The following MS4A4A variants were observed in gnomAD, a reference collection of about 807,000 sequenced individuals.
The protein encoded by MS4A4A is membrane-spanning 4-domains subfamily A member 4A.
A neutral mutation model predicts 28.0 loss-of-function variants in MS4A4A; 26 were observed. The ratio of observed to expected loss-of-function variants is 0.93; its 90% CI spans 0.68 to 1.29. The LOEUF is 1.29. MS4A4A is among the 50% of genes most tolerant of loss of function. MS4A4A has a pLI of 0.00. For synonymous variants in MS4A4A, 86 were observed against 100.8 expected, an observed-to-expected ratio of 0.85 and a Z score of 0.88; for missense variants, 290 against 293.1, an observed-to-expected ratio of 0.99 and a Z score of 0.08.
chr11:60,283,979 T>C (rs1357334763), intron 1 of MS4A4A, among the ~76,000 whole-genome samples: 1 of 152,208 alleles, frequency 6.6e-6, no homozygotes, highest in Admixed American at 6.5e-5. Flanking sequence ...TCTAACTTAT[T>C]CCAAATTGGG....
At chr11:60,301,681 A>C (rs756530347) in intron 4 of MS4A4A, among the ~76,000 whole-genome samples, 5 of 152,270 alleles carry the variant, frequency 3.3e-5, no homozygotes, top group Middle Eastern at 3.4e-3. Flanking sequence ...GGCCTAACCC[A>C]ACTCCCTAGT....
intron 4 of MS4A4A, among the ~76,000 whole-genome samples, chr11:60,302,227 A>G (rs762463561): frequency 1.3e-5 from 2 of 152,272 alleles, no homozygotes; most frequent in Non-Finnish European, 2.9e-5. Flanking sequence ...ATAAGAAATC[A>G]GGCATCAGAA....
intron 2 of MS4A4A, among the ~76,000 whole-genome samples, chr11:60,296,215 A>C (rs1361356166): frequency 6.6e-6 from 1 of 151,954 alleles, no homozygotes; most frequent in East Asian, 1.9e-4. Context: ...ATTGTCTTTA[A>C]GGAGTTATCC....
chr11:60,293,246 C>T (rs923606492), intron 2 of MS4A4A, among the ~76,000 whole-genome samples: 13 of 152,126 alleles, frequency 8.5e-5, no homozygotes, highest in Middle Eastern at 3.4e-3. Flanking sequence ...TTAGTAGAGA[C>T]GGGGTTTCAG....
At chr11:60,304,389 TA>T in intron 5 of MS4A4A, among the ~76,000 whole-genome samples, 1 of 152,246 alleles carries the variant, frequency 6.6e-6, no homozygotes, top group Non-Finnish European at 1.5e-5. Flanking sequence ...TTAAAAATTT[TA>T]AACAAGAGAA....
chr11:60,288,044 C>T (rs1197500914), intron 1 of MS4A4A, among the ~76,000 whole-genome samples: 1 of 152,162 alleles, frequency 6.6e-6, no homozygotes, highest in Non-Finnish European at 1.5e-5. Context: ...GCTAGTGGCC[C>T]TATAGTTCCG....
Position 60,308,157 on chromosome 11 carries a change from C to G in MS4A4A, c.699C>G (p.Pro233=). Residue 233 remains proline (P), a synonymous_variant, in exon 7 of 7, where the codon CCC becomes CCG. Transcript: ENST00000337908. ...SHSHMAETAS[P]TPLNEV ...CTCACATGGCAGAAACAGCATCTCCCACACCACTTAATGAGGTTTGAGGCC... is the reference window on the plus strand; with the variant it reads ...CTCACATGGCAGAAACAGCATCTCCGACACCACTTAATGAGGTTTGAGGCC... 6.2e-7 allele frequency: 1 copy of G among 1,614,032 alleles called. No homozygotes were observed. The highest frequency in any genetic ancestry group is 1.1e-5 in the South Asian group (1 of 91,074).
intron 2 of MS4A4A, among the ~76,000 whole-genome samples, chr11:60,293,493 T>C (rs2084875653): frequency 6.6e-6 from 1 of 152,204 alleles, no homozygotes; most frequent in Non-Finnish European, 1.5e-5. Context: ...ATGTAACCTT[T>C]GTACCAATTG....
At chr11:60,305,321 G>C (rs1291050963) in intron 5 of MS4A4A, among the ~76,000 whole-genome samples, 1 of 152,218 alleles carries the variant, frequency 6.6e-6, no homozygotes, top group Non-Finnish European at 1.5e-5. Flanking sequence ...GTTATCTTAT[G>C]TTTCTGGAGG....
intron 5 of MS4A4A, among the ~76,000 whole-genome samples, chr11:60,303,767 C>A (rs2084973673): frequency 6.6e-6 from 1 of 152,154 alleles, no homozygotes; most frequent in Non-Finnish European, 1.5e-5. Context: ...GTTACTTTCC[C>A]TCTATATGAA....
At chr11:60,292,625 T>C (rs1397711637) in intron 2 of MS4A4A, among the ~76,000 whole-genome samples, 2 of 152,202 alleles carry the variant, frequency 1.3e-5, no homozygotes, top group Non-Finnish European at 2.9e-5. Flanking sequence ...GGGTCATCCA[T>C]GATAATTGTA....
intron 1 of MS4A4A, among the ~76,000 whole-genome samples, chr11:60,287,707 A>G (rs987227262): frequency 1.3e-5 from 2 of 152,224 alleles, no homozygotes; most frequent in Non-Finnish European, 2.9e-5. Flanking sequence ...GACTCAAGGT[A>G]TGATTTATCT....
intron 1 of MS4A4A, 111 bp from the exon 2 acceptor site, chr11:60,292,114 G>T: frequency 1.5e-6 from 2 of 1,294,688 alleles, no homozygotes; most frequent in Non-Finnish European, 1.0e-6. Context: ...ATTATGATAT[G>T]GGAAGAGAAT....
Position 60,297,283 on chromosome 11 carries a change from T to G in MS4A4A, c.288T>G (p.Pro96=). The G allele has an allele frequency of 6.2e-7, 1 of 1,613,500 alleles. No individual in the cohort carries two copies. The part of the protein sequence containing the change: ...CMASNTYGSN[P]ISVYIGYTIW... ...CATCTAATACTTATGGAAGTAACCC[T>G]ATTTCCGTGTATATCGGGTACACAA... Residue 96 remains proline, a synonymous_variant, in exon 3 of 7, where the codon CCT becomes CCG. Transcript: ENST00000337908.
At chr11:60,292,666 A>G (rs553866569) in intron 2 of MS4A4A, among the ~76,000 whole-genome samples, 1 of 152,298 alleles carries the variant, frequency 6.6e-6, no homozygotes, top group East Asian at 1.9e-4. Context: ...GCAGCAAAAT[A>G]AAAGGCCACC....
intron 2 of MS4A4A, among the ~76,000 whole-genome samples, chr11:60,294,216 G>A (rs751587836): frequency 5.3e-5 from 8 of 152,156 alleles, no homozygotes; most frequent in Non-Finnish European, 8.8e-5. Context: ...ATAAGATGTG[G>A]ACCATCTTTT....
At chr11:60,293,861 A>G (rs2084878641) in intron 2 of MS4A4A, among the ~76,000 whole-genome samples, 1 of 152,196 alleles carries the variant, frequency 6.6e-6, no homozygotes, top group Non-Finnish European at 1.5e-5. Flanking sequence ...TTATTTATGC[A>G]TTCACCTACT....
chr11:60,281,441 C>G (rs909257648), intron 1 of MS4A4A, among the ~76,000 whole-genome samples: 1 of 152,110 alleles, frequency 6.6e-6, no homozygotes, highest in Admixed American at 6.6e-5. Flanking sequence ...CACAAGTTAA[C>G]AAAAGGGCTG....
At chr11:60,289,574 AGTGTGT>A (rs747454290) in intron 1 of MS4A4A, among the ~76,000 whole-genome samples, 5 of 131,184 alleles carry the variant, frequency 3.8e-5, no homozygotes, top group Admixed American at 3.8e-4. Context: ...TGTTTTGGGG[AGTGTGT>A]GTGTGTGTGT....
Sources: allele counts gnomAD v4.1 joint callset (sites outside exome capture counted in the v4.1 genomes callset), GRCh38; gene constraint gnomAD v4.1.1; transcripts MANE v1.5; gene names NCBI Gene and HGNC (gene_info 2026-07-23, HGNC 2026-07-21).